IL1RAPL1: variants seen among roughly 807,000 people sequenced by gnomAD.
IL1RAPL1 encodes interleukin-1 receptor accessory protein-like 1.
A neutral mutation model predicts 48.4 loss-of-function variants in IL1RAPL1; 3 were observed. That is an observed-to-expected ratio of 0.06 (90% confidence interval 0.03 to 0.16). The LOEUF (loss-of-function observed/expected upper bound fraction) is 0.16. Ranked by LOEUF, IL1RAPL1 falls within the 10% of genes least tolerant of loss-of-function variation. The pLI is 1.00. For synonymous variants in IL1RAPL1, 185 were observed against 187.7 expected (o/e 0.99, Z 0.12); for missense variants, 349 against 530.6 (o/e 0.66, Z 3.36).
rs1445752117 is a variant in IL1RAPL1 at position 28,812,307 on chromosome X, A to G, written c.82+22882A>G. 2.7e-5 allele frequency among the ~76,000 whole-genome samples: 3 copies of G among 111,003 alleles called. No homozygotes were observed. The East Asian group carries it at 8.5e-4, about 31-fold the overall frequency. ...TTTAACCTTTCTTTTTAATTCAATT[A>G]TATTGATTTGCCAAAGAATCACTCT... On this transcript the variant is annotated intron_variant, in intron 2 of 10. Coordinates refer to ENST00000378993, the MANE Select transcript of IL1RAPL1 (RefSeq NM_014271.4).
rs1263016525 is a variant in IL1RAPL1 at position 28,937,293 on chromosome X, A to G, written c.82+147868A>G. Among the ~76,000 whole-genome samples the G allele has an allele frequency of 2.7e-5, 3 of 111,097 alleles. No individual in the cohort carries two copies. In the South Asian group the frequency reaches 1.1e-3, roughly 42 times the overall value. On this transcript the variant is annotated intron_variant, in intron 2 of 10. Transcript: ENST00000378993. ...AGTCCTACAAAGTATTAGATATATA[A>G]TATCTAGGCATAAGGTAAAATCTAT...
chrX:29,055,370 T>C (rs1473364764), intron 2 of IL1RAPL1, among the ~76,000 whole-genome samples: 1 of 111,549 alleles, frequency 9.0e-6, no homozygotes, highest in Non-Finnish European at 1.9e-5. Context: ...ACATGTTTTA[T>C]CTGTCAGACT....
At chrX:29,245,989 T>C (rs761905495) in intron 2 of IL1RAPL1, among the ~76,000 whole-genome samples, 1 of 110,992 alleles carries the variant, frequency 9.0e-6, no homozygotes, top group East Asian at 2.8e-4. Flanking sequence ...TTCAAAGGCA[T>C]ACTTTCTGTC....
At chrX:29,885,404 G>A (rs1352959278) in intron 6 of IL1RAPL1, among the ~76,000 whole-genome samples, 7 of 111,797 alleles carry the variant, frequency 6.3e-5, no homozygotes, top group African/African-American at 2.3e-4. Context: ...ACCACATTAG[G>A]ATGCAAGTCC....
chrX:28,759,746 A>T (rs191493400), intron 1 of IL1RAPL1, among the ~76,000 whole-genome samples: 30 of 111,988 alleles, frequency 2.7e-4, no homozygotes, highest in Non-Finnish European at 4.5e-4. Flanking sequence ...GTACGAAATG[A>T]TCACCAAGCC....
chrX:28,983,931 A>G (rs756177819), intron 2 of IL1RAPL1, among the ~76,000 whole-genome samples: 23 of 112,039 alleles, frequency 2.1e-4, no homozygotes, highest in Non-Finnish European at 4.3e-4. Context: ...GGCATAACAA[A>G]TATGTCATGA....
intron 5 of IL1RAPL1, among the ~76,000 whole-genome samples, chrX:29,644,438 G>A (rs1285167021): frequency 3.6e-5 from 4 of 111,607 alleles, no homozygotes; most frequent in African/African-American, 3.3e-5. Context: ...CGTGAATTTC[G>A]CCCTCTGATT....
intron 6 of IL1RAPL1, among the ~76,000 whole-genome samples, chrX:29,898,953 A>C (rs1365988852): frequency 1.8e-5 from 2 of 112,245 alleles, no homozygotes; most frequent in African/African-American, 3.2e-5. Context: ...GATGCTGGCA[A>C]GTCTGAAATG....
chrX:29,845,671 G>A (rs766928662), intron 6 of IL1RAPL1, among the ~76,000 whole-genome samples: 6 of 110,585 alleles, frequency 5.4e-5, no homozygotes, highest in South Asian at 7.8e-4. Context: ...CCCCCAACAC[G>A]CAACTACTGT....
intron 1 of IL1RAPL1, among the ~76,000 whole-genome samples, chrX:28,720,957 G>A (rs1935567808): frequency 8.9e-6 from 1 of 112,159 alleles, no homozygotes; most frequent in African/African-American, 3.2e-5. Context: ...ATATTCCATG[G>A]TGTATATGTG....
rs894758428 is a variant in IL1RAPL1 at position 29,007,063 on chromosome X, A to C, written c.82+217638A>C. ...ATACTCTACCTGTAAAAGTTCTTTT[A>C]GGTAAAGACCTGGAAATTATATTCA... On this transcript the variant is annotated intron_variant, in intron 2 of 10. Transcript: ENST00000378993. 2.7e-5 allele frequency among the ~76,000 whole-genome samples: 3 copies of C among 111,835 alleles called. No homozygotes were observed. In the Admixed American group the frequency reaches 2.9e-4, roughly 11 times the overall value.
chrX:29,642,655 T>C (rs1181886251), intron 5 of IL1RAPL1, among the ~76,000 whole-genome samples: 1 of 112,625 alleles, frequency 8.9e-6, no homozygotes, highest in Non-Finnish European at 1.9e-5. Flanking sequence ...TCCACATGGA[T>C]TTCAAATGTG....
At chrX:29,643,258 G>A (rs1318730494) in intron 5 of IL1RAPL1, among the ~76,000 whole-genome samples, 2 of 111,439 alleles carry the variant, frequency 1.8e-5, no homozygotes, top group African/African-American at 3.3e-5. Context: ...GGTGAATTCT[G>A]GTGTCTGTGT....
intron 2 of IL1RAPL1, among the ~76,000 whole-genome samples, chrX:29,127,583 C>G (rs1161892994): frequency 8.9e-6 from 1 of 111,971 alleles, no homozygotes; most frequent in Non-Finnish European, 1.9e-5. Context: ...AAATCACCAG[C>G]CCTAATCTCC....
intron 2 of IL1RAPL1, among the ~76,000 whole-genome samples, chrX:28,856,552 C>G (rs189774822): frequency 8.9e-6 from 1 of 111,764 alleles, no homozygotes; most frequent in African/African-American, 3.2e-5. Context: ...CATTTGCTCA[C>G]TTTGTGTCTC....
chrX:28,934,425 A>T (rs1569202741), intron 2 of IL1RAPL1, among the ~76,000 whole-genome samples: 1 of 110,636 alleles, frequency 9.0e-6, no homozygotes. Flanking sequence ...GTACAATTAA[A>T]TTTTTTTTAG....
intron 2 of IL1RAPL1, among the ~76,000 whole-genome samples, chrX:29,067,511 G>A (rs1335444053): frequency 8.9e-6 from 1 of 112,235 alleles, no homozygotes; most frequent in Non-Finnish European, 1.9e-5. Context: ...TTTCATACCA[G>A]TTAAGGGCCT....
In IL1RAPL1 at chrX:29,255,123, T is replaced by TTGTG. The variant is rs35193739; in HGVS notation, c.83-27800_83-27797dup. Among the ~76,000 whole-genome samples the TTGTG allele has an allele frequency of 1.0e-3, 99 of 97,034 alleles. No homozygotes were observed. The South Asian group carries it at 0.015, about 15-fold the overall frequency. 84.3% of individuals were successfully genotyped at this position (97,034 alleles called of 115,157 possible). A position where few individuals can be genotyped will look rare whatever the true frequency, so the allele number is the denominator to read the frequency against. ...TTTGAGTTTTTAGTAACTAAGGTAT[T>TTGTG]TGTGTGTGTGTGTGTGTGCGTGTGT... On this transcript the variant is annotated intron_variant, in intron 2 of 10. Coordinates refer to ENST00000378993, the MANE Select transcript of IL1RAPL1 (RefSeq NM_014271.4).
intron 2 of IL1RAPL1, among the ~76,000 whole-genome samples, chrX:29,137,258 TCACACACACACACACA>T (rs113222106): frequency 2.0e-5 from 2 of 100,327 alleles, no homozygotes; most frequent in Non-Finnish European, 4.1e-5. Flanking sequence ...ACACTTGCGC[TCACACACACACACACA>T]CACACACACA....
Sources: allele counts gnomAD v4.1 joint callset (sites outside exome capture counted in the v4.1 genomes callset), GRCh38; gene constraint gnomAD v4.1.1; transcripts MANE v1.5; gene names NCBI Gene and HGNC (gene_info 2026-07-23, HGNC 2026-07-21).